OPCML: variants seen among roughly 807,000 people sequenced by gnomAD.
The protein encoded by OPCML is opioid-binding protein/cell adhesion molecule.
OPCML carries 13 observed loss-of-function variants against 37.8 expected under a neutral mutation model. The ratio of observed to expected loss-of-function variants is 0.34; its 90% confidence interval spans 0.22 to 0.55. OPCML has a LOEUF of 0.55. Ranked by LOEUF, OPCML falls within the 20% of genes least tolerant of loss-of-function variation. The pLI is 0.91. For synonymous variants in OPCML, 176 were observed against 168.8 expected (o/e 1.04, Z -0.33); for missense variants, 341 against 435.6 (o/e 0.78, Z 1.93).
At chr11:132,722,137 A>G (rs1944695777) in intron 2 of OPCML, among the ~76,000 whole-genome samples, 1 of 151,252 alleles carries the variant, frequency 6.6e-6, no homozygotes, top group African/African-American at 2.4e-5. Context: ...TTGTATTTTT[A>G]GTAGAGATGG....
At chr11:133,458,947 A>T (rs761562512) in intron 1 of OPCML, among the ~76,000 whole-genome samples, 26 of 151,908 alleles carry the variant, frequency 1.7e-4, no homozygotes, top group Non-Finnish European at 3.1e-4. Context: ...TAAATACATT[A>T]ACAGAAATTT....
rs534387089 is a variant in OPCML at position 132,867,942 on chromosome 11, G to A, written c.146+74984C>T. 6.0e-4 allele frequency among the ~76,000 whole-genome samples: 91 copies of A among 152,292 alleles called. 1 individual carries two copies. The South Asian group carries it at 0.014, about 24-fold the overall frequency. ...AGAAGGTCATAGAAAATGTCACTCA[G>A]TCTGCATGCAGAGAAGTGACAAAGA... is the stretch of plus-strand genomic sequence containing the variant. On this transcript the variant is annotated intron_variant, in intron 2 of 7. Coordinates refer to ENST00000524381, the MANE Select transcript of OPCML (RefSeq NM_001012393.5).
intron 1 of OPCML, among the ~76,000 whole-genome samples, chr11:133,351,276 C>T (rs1017161762): frequency 6.6e-5 from 10 of 152,112 alleles, no homozygotes; most frequent in African/African-American, 2.4e-4. Flanking sequence ...TCTCATGTCC[C>T]ATTCCCTTAT....
At chr11:133,418,384 A>G (rs1346163410) in intron 1 of OPCML, 2 of 985,226 alleles carry the variant, frequency 2.0e-6, no homozygotes, top group Non-Finnish European at 2.4e-6. Context: ...TTCAGAAGCC[A>G]CCTAAATAGA....
chr11:133,291,468 C>T (rs1443553622), intron 1 of OPCML, among the ~76,000 whole-genome samples: 1 of 152,180 alleles, frequency 6.6e-6, no homozygotes, highest in Non-Finnish European at 1.5e-5. Context: ...TGCTGGTGGG[C>T]ACCCCTCAGG....
At chr11:132,448,690 C>G (rs539401503) in intron 4 of OPCML, among the ~76,000 whole-genome samples, 1 of 152,200 alleles carries the variant, frequency 6.6e-6, no homozygotes, top group Non-Finnish European at 1.5e-5. Context: ...GCTAGCCTCC[C>G]TTCTTAGCCT....
intron 1 of OPCML, among the ~76,000 whole-genome samples, chr11:133,527,064 G>A (rs1024564834): frequency 6.6e-6 from 1 of 152,170 alleles, no homozygotes; most frequent in Non-Finnish European, 1.5e-5. Flanking sequence ...GGCAGCTGCA[G>A]GCAGATGGCA....
chr11:133,466,522 C>A (rs553107320), intron 1 of OPCML, among the ~76,000 whole-genome samples: 56 of 152,232 alleles, frequency 3.7e-4, no homozygotes, highest in African/African-American at 1.3e-3. Flanking sequence ...TTTGCTGAAG[C>A]AAAAGGCCAT....
At chr11:133,076,040 T>G (rs1342402351) in intron 1 of OPCML, among the ~76,000 whole-genome samples, 2 of 152,228 alleles carry the variant, frequency 1.3e-5, no homozygotes, top group Non-Finnish European at 2.9e-5. Context: ...ATTTTTAGAA[T>G]TTTAGAAAGA....
intron 1 of OPCML, among the ~76,000 whole-genome samples, chr11:133,359,861 A>G (rs1386639860): frequency 6.6e-6 from 1 of 152,212 alleles, no homozygotes; most frequent in Non-Finnish European, 1.5e-5. Context: ...TAACCAGCGG[A>G]AGATCTAAGA....
At chr11:132,808,538 A>AT (rs1006169469) in intron 2 of OPCML, among the ~76,000 whole-genome samples, 3 of 152,054 alleles carry the variant, frequency 2.0e-5, no homozygotes, top group Admixed American at 6.6e-5. Flanking sequence ...GGGTTAACAC[A>AT]TTTTTTTCCC....
At chr11:133,095,061 G>C (rs190040916) in intron 1 of OPCML, among the ~76,000 whole-genome samples, 17 of 151,880 alleles carry the variant, frequency 1.1e-4, no homozygotes, top group Non-Finnish European at 1.9e-4. Flanking sequence ...AGTGTCGAGA[G>C]ATACTGGAGC....
chr11:133,093,356 A>C (rs748975681), intron 1 of OPCML, among the ~76,000 whole-genome samples: 2 of 151,944 alleles, frequency 1.3e-5, no homozygotes, highest in Non-Finnish European at 2.9e-5. Context: ...GGTTTGCTAC[A>C]TAGGTATACA....
intron 2 of OPCML, among the ~76,000 whole-genome samples, chr11:132,757,567 T>A (rs1946098865): frequency 6.6e-6 from 1 of 152,252 alleles, no homozygotes; most frequent in Non-Finnish European, 1.5e-5. Flanking sequence ...ATGAGCTTTT[T>A]TTCATATGTT....
intron 2 of OPCML, among the ~76,000 whole-genome samples, chr11:132,729,508 C>T (rs1945003535): frequency 6.6e-6 from 1 of 152,134 alleles, no homozygotes; most frequent in Non-Finnish European, 1.5e-5. Flanking sequence ...AATGTTACTC[C>T]AGTAGCTGTG....
intron 1 of OPCML, among the ~76,000 whole-genome samples, chr11:133,373,424 A>ATAT (rs1944720739): frequency 1.7e-5 from 2 of 117,740 alleles, no homozygotes; most frequent in African/African-American, 6.7e-5. Flanking sequence ...ACTTAATTAA[A>ATAT]ATATATATAT....
At chr11:133,217,971 A>C (rs1474429791) in intron 1 of OPCML, among the ~76,000 whole-genome samples, 1 of 151,870 alleles carries the variant, frequency 6.6e-6, no homozygotes, top group Admixed American at 6.6e-5. Flanking sequence ...GTTTTAGCCC[A>C]GGAAGTGGAG....
In OPCML at chr11:132,737,767, A is replaced by G. The variant is rs372158024; in HGVS notation, c.147-80448T>C. 2.1e-3 allele frequency among the ~76,000 whole-genome samples: 321 copies of G among 152,324 alleles called. 1 individual carries two copies. The highest frequency in any genetic ancestry group is 7.4e-3 in the African/African-American group (309 of 41,568). ...TGGACATTCTAAACAGCAACAAAACAAATTTATTCCTTATTCTGGTATAGT... is the reference window on the plus strand; with the variant it reads ...TGGACATTCTAAACAGCAACAAAACGAATTTATTCCTTATTCTGGTATAGT... On this transcript the variant is annotated intron_variant, in intron 2 of 7. Transcript: ENST00000524381.
intron 2 of OPCML, among the ~76,000 whole-genome samples, chr11:132,778,263 G>T (rs1591596680): frequency 1.3e-5 from 2 of 152,186 alleles, no homozygotes; most frequent in Non-Finnish European, 1.5e-5. Flanking sequence ...TACCAAATTG[G>T]CCTTTCAGCA....
Sources: allele counts gnomAD v4.1 joint callset (sites outside exome capture counted in the v4.1 genomes callset), GRCh38; gene constraint gnomAD v4.1.1; transcripts MANE v1.5; gene names NCBI Gene and HGNC (gene_info 2026-07-23, HGNC 2026-07-21).